Variants in GRIN2A observed in about 807,000 individuals in gnomAD.
The protein encoded by GRIN2A is glutamate receptor ionotropic, NMDA 2A.
Under a neutral mutation model 113.4 loss-of-function variants are expected in GRIN2A, and 22 were observed. That is an observed-to-expected ratio of 0.19 (90% confidence interval 0.14 to 0.28). The LOEUF is 0.28. Among genes scored for constraint, GRIN2A ranks in the 10% least tolerant of loss-of-function variants. GRIN2A has a pLI of 1.00. For synonymous variants in GRIN2A, 827 were observed against 738.4 expected (o/e 1.12, Z -1.94); for missense variants, 1,502 against 1,887.0 (o/e 0.80, Z 3.78).
chr16:10,154,632 T>C (rs943309988), intron 2 of GRIN2A, among the ~76,000 whole-genome samples: 9 of 152,126 alleles, frequency 5.9e-5, no homozygotes, highest in African/African-American at 1.9e-4. Flanking sequence ...CTGTCCTCAC[T>C]GAGGACAGCT....
chr16:9,986,193 C>A (rs543107102), intron 2 of GRIN2A, among the ~76,000 whole-genome samples: 214 of 151,800 alleles, frequency 1.4e-3, no homozygotes, highest in Admixed American at 5.6e-3. Flanking sequence ...TGTAGAAAAT[C>A]CTACAACCAA....
chr16:10,116,136 G>C (rs1247433635), intron 2 of GRIN2A, among the ~76,000 whole-genome samples: 2 of 152,186 alleles, frequency 1.3e-5, no homozygotes, highest in Non-Finnish European at 2.9e-5. Context: ...ATACTATCCA[G>C]CCATAAAAAG....
intron 2 of GRIN2A, among the ~76,000 whole-genome samples, chr16:10,133,051 C>A (rs1399102152): frequency 6.6e-6 from 1 of 152,176 alleles, no homozygotes; most frequent in Non-Finnish European, 1.5e-5. Flanking sequence ...ATGCCCGCCT[C>A]TTATAAGTAC....
chr16:9,825,554 A>AT (rs1268374481), intron 9 of GRIN2A, among the ~76,000 whole-genome samples: 1 of 152,126 alleles, frequency 6.6e-6, no homozygotes, highest in Non-Finnish European at 1.5e-5. Flanking sequence ...TAACCAAGAT[A>AT]TTTTTTCTTT....
chr16:9,848,489 T>G (rs2042815662), intron 5 of GRIN2A, among the ~76,000 whole-genome samples: 1 of 151,222 alleles, frequency 6.6e-6, no homozygotes, highest in South Asian at 2.1e-4. Context: ...GTGCTGAGAT[T>G]ATAGATGTGA....
intron 2 of GRIN2A, among the ~76,000 whole-genome samples, chr16:10,072,675 C>A (rs1309577453): frequency 6.6e-6 from 1 of 152,108 alleles, no homozygotes; most frequent in South Asian, 2.1e-4. Context: ...GTCTGTGGAC[C>A]CCCTGACATC....
At chr16:9,908,624 G>A (rs1234297322) in intron 3 of GRIN2A, among the ~76,000 whole-genome samples, 1 of 152,090 alleles carries the variant, frequency 6.6e-6, no homozygotes, top group Non-Finnish European at 1.5e-5. Context: ...GAGAGTAAAG[G>A]GAGAAGTGTG....
At chr16:9,815,366 G>A (rs1282885216) in intron 10 of GRIN2A, among the ~76,000 whole-genome samples, 4 of 144,218 alleles carry the variant, frequency 2.8e-5, no homozygotes, top group Non-Finnish European at 6.0e-5. Context: ...TCTGATAAGG[G>A]ATTGATATCC....
At chr16:10,030,965 G>T (rs951858182) in intron 2 of GRIN2A, among the ~76,000 whole-genome samples, 1 of 152,130 alleles carries the variant, frequency 6.6e-6, no homozygotes, top group Non-Finnish European at 1.5e-5. Flanking sequence ...CACCATCTAG[G>T]GGGTAGGCTC....
intron 2 of GRIN2A, among the ~76,000 whole-genome samples, chr16:10,149,655 C>T (rs1041302368): frequency 6.6e-6 from 1 of 152,158 alleles, no homozygotes; most frequent in African/African-American, 2.4e-5. Flanking sequence ...CCACCAGTAC[C>T]TCCTCACCCA....
At chr16:9,803,999 C>T (rs886279046) in intron 10 of GRIN2A, among the ~76,000 whole-genome samples, 2 of 152,190 alleles carry the variant, frequency 1.3e-5, no homozygotes, top group Non-Finnish European at 2.9e-5. Context: ...TGTTCCACTT[C>T]ATCTGTCTCG....
At chr16:9,915,941 G>A (rs1217110762) in intron 3 of GRIN2A, among the ~76,000 whole-genome samples, 2 of 152,212 alleles carry the variant, frequency 1.3e-5, no homozygotes, top group Non-Finnish European at 2.9e-5. Context: ...CTGTAGATGT[G>A]ATAATACCTT....
chr16:9,848,087 T>TAACTATATA lies in GRIN2A; in HGVS notation c.1328+1660_1328+1668dup, dbSNP rs2042808646. ...ATATTTTATATATAAACTTGTACAT[T>TAACTATATA]AACTATATATTTTATCTATAAACAT... On this transcript the variant is annotated intron_variant, in intron 5 of 12. Coordinates refer to ENST00000330684, the MANE Select transcript of GRIN2A (RefSeq NM_001134407.3). Among the ~76,000 whole-genome samples the TAACTATATA allele has an allele frequency of 2.0e-5, 3 of 147,410 alleles. No homozygotes were observed. The South Asian group carries it at 6.3e-4, about 31-fold the overall frequency.
At chr16:9,884,232 A>G (rs1246462229) in intron 4 of GRIN2A, among the ~76,000 whole-genome samples, 2 of 152,198 alleles carry the variant, frequency 1.3e-5, no homozygotes, top group Non-Finnish European at 2.9e-5. Flanking sequence ...TGTATGCATA[A>G]ACACACATAT....
intron 2 of GRIN2A, among the ~76,000 whole-genome samples, chr16:9,970,023 T>G (rs576237470): frequency 5.9e-5 from 9 of 152,312 alleles, no homozygotes; most frequent in Admixed American, 2.0e-4. Context: ...TTATACACAC[T>G]ACAGTTCAAG....
chr16:10,121,691 G>A (rs911965565), intron 2 of GRIN2A: 3 of 152,160 alleles, frequency 2.0e-5, no homozygotes, highest in Admixed American at 1.3e-4. Context: ...AGATCATTAT[G>A]CTGCTTCTTT....
At chr16:9,983,674 T>C (rs1168326452) in intron 2 of GRIN2A, among the ~76,000 whole-genome samples, 1 of 152,124 alleles carries the variant, frequency 6.6e-6, no homozygotes, top group Non-Finnish European at 1.5e-5. Flanking sequence ...CTCCTCACCT[T>C]GTGATCCACC....
At chr16:10,125,353 G>T (rs2048912510) in intron 2 of GRIN2A, among the ~76,000 whole-genome samples, 1 of 152,136 alleles carries the variant, frequency 6.6e-6, no homozygotes, top group African/African-American at 2.4e-5. Flanking sequence ...GCTTTCCCTG[G>T]AAGTCCCAAG....
At chr16:9,783,547 CTA>C (rs1263152704) in intron 11 of GRIN2A, among the ~76,000 whole-genome samples, 2 of 152,200 alleles carry the variant, frequency 1.3e-5, no homozygotes, top group Non-Finnish European at 2.9e-5. Flanking sequence ...CTCATATCTC[CTA>C]TGTTCTTTAT....
Sources: allele counts gnomAD v4.1 joint callset (sites outside exome capture counted in the v4.1 genomes callset), GRCh38; gene constraint gnomAD v4.1.1; transcripts MANE v1.5; gene names NCBI Gene and HGNC (gene_info 2026-07-23, HGNC 2026-07-21).